KCNA7: variants seen among roughly 807,000 people sequenced by gnomAD.
KCNA7 encodes the protein potassium voltage-gated channel subfamily A member 7.
A neutral mutation model predicts 21.5 loss-of-function variants in KCNA7; 15 were observed. That is an observed-to-expected ratio of 0.70 (90% CI 0.47 to 1.07). The LOEUF (loss-of-function observed/expected upper bound fraction) is 1.07. KCNA7 is among the 50% of genes least tolerant of loss of function. The probability of loss-of-function intolerance (pLI) is 0.00; values close to 1 mark genes in which losing one functional copy is unlikely to be tolerated. For synonymous variants in KCNA7, 298 were observed against 291.0 expected (o/e 1.02, Z -0.24); for missense variants, 640 against 651.6 (o/e 0.98, Z 0.19).
Position 49,070,098 on chromosome 19 carries a change from C to T in KCNA7, c.1336G>A (p.Ala446Thr), listed in dbSNP as rs754932345. Residue 446 changes from alanine to threonine, a missense_variant, in exon 2 of 2, where the codon GCA becomes ACA. By Grantham distance (58) the Ala-to-Thr change is moderately conservative (BLOSUM62 0). Coordinates refer to ENST00000221444, the MANE Select transcript of KCNA7 (RefSeq NM_031886.3). This position sits in a 1 kb window ranked among gnomAD's most constrained non-coding sequence, Gnocchi z 4.3. ...EVPELPPPLW[A>T]PPGKHLVTEV is the part of the protein sequence containing the mutation. Reference sequence around the variant, plus strand: ...GTGACCAGGTGTTTCCCTGGGGGTGCCCAGAGTGGAGGTGGTAGCTCAGGT... The same window carrying T: ...GTGACCAGGTGTTTCCCTGGGGGTGTCCAGAGTGGAGGTGGTAGCTCAGGT... 5.0e-6 allele frequency: 8 copies of T among 1,607,028 alleles called. No individual in the cohort carries two copies. The highest frequency in any genetic ancestry group is 2.2e-5 in the South Asian group (2 of 90,854).
Position 49,070,128 on chromosome 19 carries a change from C to A in KCNA7, c.1306G>T (p.Glu436Ter). ...AGTGGAGGTGGTAGCTCAGGTACCT[C>A]CCCGTCCACCAGCCCCCCATTGGCC... ...GKANGGLVDG[E>*]VPELPPPLWA... The change falls in exon 2 of 2, where the codon GAG becomes TAG. Residue 436 changes from glutamate to a stop codon, truncating the protein, a stop_gained. Transcript: ENST00000221444. LOFTEE classifies it high-confidence loss of function. This position sits in a 1 kb window ranked among gnomAD's most constrained non-coding sequence, Gnocchi z 4.3. 1 of 1,613,876 alleles carries A rather than the reference C, an allele frequency of 6.2e-7. No homozygotes were observed. Among genetic ancestry groups the A allele is most frequent in the Non-Finnish European group, 8.5e-7 (1 of 1,179,854 alleles).
Position 49,068,403 on chromosome 19 carries a change from C to T in KCNA7, c.*1660G>A, listed in dbSNP as rs150934762. On this transcript the variant is annotated 3_prime_UTR_variant, in exon 2 of 2. Transcript: ENST00000221444. ...TCATGGCTCAATGCAGCCTCTACCT[C>T]TCAGGGTCAAGGGATCTTTCTGCCT... is the stretch of plus-strand genomic sequence containing the variant. 3.9e-5 allele frequency: 6 copies of T among 152,312 alleles called. No homozygotes were observed. The highest frequency in any genetic ancestry group is 1.4e-4 in the African/African-American group (6 of 41,518). The allele number at this position is 152,312 out of a possible 1,614,324, so 9.4% of individuals were successfully genotyped here.
At position 49,070,934 on chromosome 19, in the gene KCNA7, G is replaced by A. The variant is rs1465833895; in HGVS notation, c.556-56C>T. On this transcript the variant is annotated intron_variant, in intron 1 of 1. Coordinates refer to ENST00000221444, the MANE Select transcript of KCNA7 (RefSeq NM_031886.3). This position sits in a 1 kb window ranked among gnomAD's most constrained non-coding sequence, Gnocchi z 4.3. ...AGGCTGGGGCTAGGACACGGGGACA[G>A]CCTTAATCATCATTTAAATACCCAG... 7.0e-7 allele frequency: 1 copy of A among 1,424,716 alleles called. No individual in the cohort carries two copies. 88.3% of individuals were successfully genotyped at this position (1,424,716 alleles called of 1,614,324 possible).
At chr19:49,071,276 G>A (rs1344301315) in intron 1 of KCNA7, among the ~76,000 whole-genome samples, 1 of 152,052 alleles carries the variant, frequency 6.6e-6, no homozygotes, top group Non-Finnish European at 1.5e-5. Flanking sequence ...AGTATAATGC[G>A]GCTGGGCGCG....
Position 49,070,147 on chromosome 19 carries a change from A to T in KCNA7, c.1287T>A (p.Asn429Lys). 1 of 1,613,510 alleles carries T rather than the reference A, an allele frequency of 6.2e-7. No individual in the cohort carries two copies. The stretch of plus-strand genomic sequence containing the variant: ...GTACCTCCCCGTCCACCAGCCCCCC[A>T]TTGGCCTTGCCCTCCAGTGGGCCAC... ...QPCGPLEGKA[N>K]GGLVDGEVPE... The change falls in exon 2 of 2, where the codon AAT (asparagine) becomes AAA (lysine). Residue 429 changes from asparagine (N) to lysine (K), a missense_variant. Asn to Lys is a moderately conservative substitution (Grantham distance 94). Transcript: ENST00000221444. This position sits in a 1 kb window ranked among gnomAD's most constrained non-coding sequence, Gnocchi z 4.3.
chr19:49,070,231 A>G lies in KCNA7; in HGVS notation c.1203T>C (p.Tyr401=). The G allele has an allele frequency of 1.2e-6, 2 of 1,614,230 alleles. No individual in the cohort carries two copies. The highest frequency in any genetic ancestry group is 1.7e-6 in the Non-Finnish European group (2 of 1,180,052). Residue 401 remains tyrosine, a synonymous_variant, in exon 2 of 2, where the codon TAT becomes TAC. Coordinates refer to ENST00000221444, the MANE Select transcript of KCNA7 (RefSeq NM_031886.3). The surrounding 1 kb of genome is among the most constrained non-coding windows in gnomAD (Gnocchi z 4.3). ...CCTCTTCGCCCTCTGTCTCCCGGTG[A>G]TAAAAGTAGCTGAAATTGGAGACAA... ...PVIVSNFSYF[Y]HRETEGEEAG...
Position 49,067,548 on chromosome 19 carries a change from T to C in KCNA7, c.*2515A>G, listed in dbSNP as rs111459507. The C allele has an allele frequency of 1.8e-4, 28 of 152,362 alleles. 1 individual carries two copies. The highest frequency in any genetic ancestry group is 6.7e-4 in the African/African-American group (28 of 41,586). 9.4% of individuals were successfully genotyped at this position (152,362 alleles called of 1,614,324 possible). A position where few individuals can be genotyped will look rare whatever the true frequency, so the allele number is the denominator to read the frequency against. ...CTGAAAATGTTCGGCCTTGTGACCT[T>C]GGGTAACACCTGCTGCTCTGAGCCT... is the stretch of plus-strand genomic sequence containing the variant. On this transcript the variant is annotated 3_prime_UTR_variant, in exon 2 of 2. Coordinates refer to ENST00000221444, the MANE Select transcript of KCNA7 (RefSeq NM_031886.3).
rs752701716 is a variant in KCNA7, at chr19:49,070,107, G to A, written c.1327C>T (p.Pro443Ser). 1 of 1,293,306 alleles carries A rather than the reference G, an allele frequency of 7.7e-7. No homozygotes were observed. The highest frequency in any genetic ancestry group is 1.0e-6 in the Non-Finnish European group (1 of 964,548). 80.1% of individuals were successfully genotyped at this position (1,293,306 alleles called of 1,614,324 possible). ...VDGEVPELPP[P>S]LWAPPGKHLV... is the part of the protein sequence containing the mutation. Reference sequence around the variant, plus strand: ...TGTTTCCCTGGGGGTGCCCAGAGTGGAGGTGGTAGCTCAGGTACCTCCCCG... The same window carrying A: ...TGTTTCCCTGGGGGTGCCCAGAGTGAAGGTGGTAGCTCAGGTACCTCCCCG... The change falls in exon 2 of 2, where the codon CCA becomes TCA. Residue 443 changes from proline (P) to serine (S), a missense_variant. Pro to Ser is a moderately conservative substitution (Grantham distance 74, BLOSUM62 -1). Coordinates refer to ENST00000221444, the MANE Select transcript of KCNA7 (RefSeq NM_031886.3). The surrounding 1 kb of genome is among the most constrained non-coding windows in gnomAD (Gnocchi z 4.3).
chr19:49,070,049 A>C lies in KCNA7; in HGVS notation c.*14T>G, dbSNP rs1348242817. 6.3e-7 allele frequency: 1 copy of C among 1,581,612 alleles called. No homozygotes were observed. The highest frequency in any genetic ancestry group is 8.6e-7 in the Non-Finnish European group (1 of 1,159,938). On this transcript the variant is annotated 3_prime_UTR_variant, in exon 2 of 2. Transcript: ENST00000221444. This position sits in a 1 kb window ranked among gnomAD's most constrained non-coding sequence, Gnocchi z 4.3. Reference sequence around the variant, plus strand: ...TCTAGGGAGGTGTGAGGTCCTGCAGACCTCAACTGTTCCTCACACTTCGGT... The same window carrying C: ...TCTAGGGAGGTGTGAGGTCCTGCAGCCCTCAACTGTTCCTCACACTTCGGT...
Position 49,070,879 on chromosome 19 carries a change from C to A in KCNA7, c.556-1G>T. On this transcript the variant is annotated splice_acceptor_variant, in intron 1 of 1. Transcript: ENST00000221444. LOFTEE classifies it high-confidence loss of function. The surrounding 1 kb of genome is among the most constrained non-coding windows in gnomAD (Gnocchi z 4.3). The stretch of plus-strand genomic sequence containing the variant: ...TGGAGCCATTCAGCGGAGCGGGGAA[C>A]TGCAGGGAGGAAAGTGTTCAGGGAG... 1 of 1,609,568 alleles carries A rather than the reference C, an allele frequency of 6.2e-7. No homozygotes were observed. Among genetic ancestry groups the A allele is most frequent in the African/African-American group, 1.3e-5 (1 of 74,972 alleles).
At position 49,070,464 on chromosome 19, in the gene KCNA7, C is replaced by G; in HGVS notation, c.970G>C (p.Val324Leu). 4 of 1,614,086 alleles carry G rather than the reference C, an allele frequency of 2.5e-6. No individual in the cohort carries two copies. The highest frequency in any genetic ancestry group is 3.4e-6 in the Non-Finnish European group (4 of 1,180,006). ...AAGTAGACGGCGCTGGAAAAGAGGA[C>G]CACACCGATGAAGAGGAAAAAGATG... ...LLIFFLFIGV[V>L]LFSSAVYFAE... Residue 324 changes from valine to leucine, a missense_variant, in exon 2 of 2, where the codon GTC becomes CTC. Val to Leu is a conservative substitution (Grantham distance 32). Transcript: ENST00000221444. This position sits in a 1 kb window ranked among gnomAD's most constrained non-coding sequence, Gnocchi z 4.3.
At position 49,067,964 on chromosome 19, in the gene KCNA7, ATC is replaced by A. The variant is rs1427478410; in HGVS notation, c.*2097_*2098del. On this transcript the variant is annotated 3_prime_UTR_variant, in exon 2 of 2. Transcript: ENST00000221444. ...GCCCAGGCTGGAGTGCAGTGGCGCA[ATC>A]TCGGCTCACTGCAAGCTCCGCCTCC... 2 of 151,602 alleles carry A rather than the reference ATC, an allele frequency of 1.3e-5. No individual in the cohort carries two copies. Among genetic ancestry groups the A allele is most frequent in the Non-Finnish European group, 2.9e-5 (2 of 67,948 alleles). 9.4% of individuals were successfully genotyped at this position (151,602 alleles called of 1,614,324 possible).
Position 49,072,363 on chromosome 19 carries a change from C to A in KCNA7, c.223G>T (p.Gly75Cys). The change falls in exon 1 of 2, where the codon GGT becomes TGT. Residue 75 changes from glycine to cysteine, a missense_variant. By Grantham distance (159) the Gly-to-Cys change is radical. Transcript: ENST00000221444. Reference sequence around the variant, plus strand: ...TGCGCCGGCCGCCGCAGCCGCCCACCGGACTGGTAGTAGTAGAGCACGGCG... The same window carrying A: ...TGCGCCGGCCGCCGCAGCCGCCCACAGGACTGGTAGTAGTAGAGCACGGCG... ...FDAVLYYYQS[G>C]GRLRRPAHVP... 2 of 1,594,940 alleles carry A rather than the reference C, an allele frequency of 1.3e-6. No individual in the cohort carries two copies. Among genetic ancestry groups the A allele is most frequent in the Non-Finnish European group, 1.7e-6 (2 of 1,175,404 alleles).
intron 1 of KCNA7, among the ~76,000 whole-genome samples, chr19:49,071,697 G>A (rs993261766): frequency 6.6e-6 from 1 of 152,080 alleles, no homozygotes; most frequent in African/African-American, 2.4e-5. Flanking sequence ...AGTTATTCAG[G>A]GCCTGGCTTT....
At position 49,070,732 on chromosome 19, in the gene KCNA7, C is replaced by A; in HGVS notation, c.702G>T (p.Lys234Asn). 1 of 1,614,200 alleles carries A rather than the reference C, an allele frequency of 6.2e-7. No individual in the cohort carries two copies. Among genetic ancestry groups the A allele is most frequent in the African/African-American group, 1.3e-5 (1 of 75,050 alleles). The change falls in exon 2 of 2, where the codon AAG becomes AAT. Residue 234 changes from lysine to asparagine, a missense_variant. Coordinates refer to ENST00000221444, the MANE Select transcript of KCNA7 (RefSeq NM_031886.3). This position sits in a 1 kb window ranked among gnomAD's most constrained non-coding sequence, Gnocchi z 4.3. Reference sequence around the variant, plus strand: ...TCATCACGTTCTTGAAGAAGATAGCCTTGCTTGGACAGACCAGGAGGCGTA... The same window carrying A: ...TCATCACGTTCTTGAAGAAGATAGCATTGCTTGGACAGACCAGGAGGCGTA... Reference protein sequence around the residue: ...LLVRLLVCPSKAIFFKNVMNL... With the variant: ...LLVRLLVCPSNAIFFKNVMNL...
rs1482037141 is a variant in KCNA7, at chr19:49,072,497, G to A, written c.89C>T (p.Thr30Met). Reference protein sequence around the residue: ...AGLRFETRARTLGRFPDTLLG... With the variant: ...AGLRFETRARMLGRFPDTLLG... ...CAGAGTGTCCGGGAAGCGGCCCAGC[G>A]TGCGCGCCCGCGTCTCGAAGCGCAG... is the stretch of plus-strand genomic sequence containing the variant. The change falls in exon 1 of 2, where the codon ACG becomes ATG. Residue 30 changes from threonine (T) to methionine (M), a missense_variant. Coordinates refer to ENST00000221444, the MANE Select transcript of KCNA7 (RefSeq NM_031886.3). 17 of 1,498,898 alleles carry A rather than the reference G, an allele frequency of 1.1e-5. No individual in the cohort carries two copies. The highest frequency in any genetic ancestry group is 1.5e-5 in the Non-Finnish European group (17 of 1,135,706). 92.8% of individuals were successfully genotyped at this position (1,498,898 alleles called of 1,614,324 possible). A position where few individuals can be genotyped will look rare whatever the true frequency, so the allele number is the denominator to read the frequency against.
chr19:49,072,221 C>T lies in KCNA7; in HGVS notation c.365G>A (p.Arg122His), dbSNP rs1413602210. 3 of 1,606,162 alleles carry T rather than the reference C, an allele frequency of 1.9e-6. No homozygotes were observed. Among genetic ancestry groups the T allele is most frequent in the African/African-American group, 1.3e-5 (1 of 74,648 alleles). The change falls in exon 1 of 2, where the codon CGC becomes CAC. Residue 122 changes from arginine (R) to histidine (H), a missense_variant. Physicochemically the swap from Arg to His is conservative, Grantham distance 29 (BLOSUM62 0). Transcript: ENST00000221444. ...CCACAGCTGGCGGGCGAAGGCGCGG[C>T]GGGGCAGGGGGCGCTCGGGCGGCAC... ...CPVPPERPLP[R>H]RAFARQLWLL...
In KCNA7 at chr19:49,070,201, C is replaced by T. The variant is rs759065174; in HGVS notation, c.1233G>A (p.Gly411=). ...YHRETEGEEA[G]MFSHVDMQPC... is the part of the protein sequence containing the mutation. ...GCTGCATGTCCACATGGCTGAACATCCCAGCCTCTTCGCCCTCTGTCTCCC... is the reference window on the plus strand; with the variant it reads ...GCTGCATGTCCACATGGCTGAACATTCCAGCCTCTTCGCCCTCTGTCTCCC... The change falls in exon 2 of 2, where the codon GGG becomes GGA. Residue 411 remains glycine, a synonymous_variant. Coordinates refer to ENST00000221444, the MANE Select transcript of KCNA7 (RefSeq NM_031886.3). The surrounding 1 kb of genome is among the most constrained non-coding windows in gnomAD (Gnocchi z 4.3). 2 of 1,614,100 alleles carry T rather than the reference C, an allele frequency of 1.2e-6. No individual in the cohort carries two copies. Among genetic ancestry groups the T allele is most frequent in the Non-Finnish European group, 1.7e-6 (2 of 1,180,048 alleles).
rs2040244002 is a variant in KCNA7, at chr19:49,069,929, C to G, written c.*134G>C. 3.0e-6 allele frequency: 2 copies of G among 677,316 alleles called. No homozygotes were observed. Among genetic ancestry groups the G allele is most frequent in the Admixed American group, 2.9e-5 (1 of 34,642 alleles). 42.0% of individuals were successfully genotyped at this position (677,316 alleles called of 1,614,324 possible). ...ACACAACCCAAGACCCAACAAGACT[C>G]AGTGTTTCCCCACTCGTTACGACTT... On this transcript the variant is annotated 3_prime_UTR_variant, in exon 2 of 2. Coordinates refer to ENST00000221444, the MANE Select transcript of KCNA7 (RefSeq NM_031886.3).
Sources: allele counts gnomAD v4.1 joint callset (sites outside exome capture counted in the v4.1 genomes callset), GRCh38; gene constraint gnomAD v4.1.1; non-coding constraint Gnocchi (gnomAD v3.1); transcripts MANE v1.5; gene names NCBI Gene and HGNC (gene_info 2026-07-23, HGNC 2026-07-21).